SPOCK3: variants seen among roughly 807,000 people sequenced by gnomAD.
SPOCK3 encodes testican-3.
Under a neutral mutation model 56.6 loss-of-function variants are expected in SPOCK3, and 30 were observed. The ratio of observed to expected loss-of-function variants is 0.53; its 90% confidence interval spans 0.40 to 0.72. The LOEUF is 0.72. SPOCK3 is among the 30% of genes least tolerant of loss of function. The probability of loss-of-function intolerance (pLI) is 0.00; values close to 1 mark genes in which losing one functional copy is unlikely to be tolerated. For synonymous variants in SPOCK3, 196 were observed against 183.3 expected (o/e 1.07, Z -0.56); for missense variants, 527 against 530.0 (o/e 0.99, Z 0.06).
chr4:167,005,449 G>A (rs939029982), intron 3 of SPOCK3, among the ~76,000 whole-genome samples: 5 of 151,740 alleles, frequency 3.3e-5, no homozygotes, highest in South Asian at 2.1e-4. Flanking sequence ...CCCTGACCTC[G>A]TGATCCGCCC....
At chr4:166,967,267 T>C (rs1368691005) in intron 4 of SPOCK3, among the ~76,000 whole-genome samples, 2 of 152,168 alleles carry the variant, frequency 1.3e-5, no homozygotes, top group African/African-American at 4.8e-5. Flanking sequence ...AACTCAAAGA[T>C]TGAGCTGTAC....
intron 4 of SPOCK3, among the ~76,000 whole-genome samples, chr4:166,987,639 C>T (rs953481112): frequency 2.0e-5 from 3 of 152,058 alleles, no homozygotes; most frequent in African/African-American, 7.2e-5. Context: ...CAAGTTATAA[C>T]AAAAAACTAG....
chr4:166,913,368 T>G (rs1737482650), intron 4 of SPOCK3, among the ~76,000 whole-genome samples: 1 of 152,182 alleles, frequency 6.6e-6, no homozygotes, highest in South Asian at 2.1e-4. Context: ...TACGATTGTT[T>G]GTTTCCCCAC....
chr4:166,832,309 A>T (rs7669089), intron 6 of SPOCK3, among the ~76,000 whole-genome samples: 7 of 151,788 alleles, frequency 4.6e-5, no homozygotes, highest in African/African-American at 1.7e-4. Flanking sequence ...ATGGCTAGCC[A>T]GCAATGAAAT....
chr4:167,151,520 C>T (rs545379065), intron 2 of SPOCK3, among the ~76,000 whole-genome samples: 8 of 151,364 alleles, frequency 5.3e-5, no homozygotes, highest in Non-Finnish European at 7.4e-5. Context: ...CTGCAAGCTC[C>T]GCCTCCCAGG....
chr4:166,937,577 A>C (rs947448016), intron 4 of SPOCK3, among the ~76,000 whole-genome samples: 2 of 148,546 alleles, frequency 1.3e-5, no homozygotes, highest in Non-Finnish European at 3.0e-5. Flanking sequence ...ATTTCCAGTG[A>C]AAACCATTTT....
At chr4:166,769,949 T>C (rs2124456) in intron 7 of SPOCK3, among the ~76,000 whole-genome samples, 122,468 of 152,050 alleles carry the variant, frequency 0.81, 49,582 homozygotes, top group African/African-American at 0.84. Context: ...GCTGTGCTAG[T>C]AACGAGTGAG....
rs1028695610 is a variant in SPOCK3 at position 166,797,233 on chromosome 4, C to CTTTTTTTTT, written c.590-4953_590-4945dup. 5.0e-4 allele frequency among the ~76,000 whole-genome samples: 40 copies of CTTTTTTTTT among 80,748 alleles called. 1 individual carries two copies. The highest frequency in any genetic ancestry group is 1.8e-3 in the African/African-American group (38 of 21,328). 53.0% of individuals were successfully genotyped at this position (80,748 alleles called of 152,430 possible). A position where few individuals can be genotyped will look rare whatever the true frequency, so the allele number is the denominator to read the frequency against. ...TTAAGTGGCATGGATTTCCACCTTT[C>CTTTTTTTTT]TTTTTTTTTTTTTTTTTTTTTGAGA... On this transcript the variant is annotated intron_variant, in intron 6 of 10. Coordinates refer to ENST00000357545, the MANE Select transcript of SPOCK3 (RefSeq NM_001040159.2).
intron 2 of SPOCK3, among the ~76,000 whole-genome samples, chr4:167,072,764 G>A (rs1040025153): frequency 6.6e-5 from 10 of 151,648 alleles, no homozygotes; most frequent in African/African-American, 1.9e-4. Flanking sequence ...AAGTAATCAC[G>A]ATATGTATTC....
At chr4:166,986,898 T>C (rs1747228394) in intron 4 of SPOCK3, among the ~76,000 whole-genome samples, 1 of 152,134 alleles carries the variant, frequency 6.6e-6, no homozygotes, top group African/African-American at 2.4e-5. Context: ...CTGTCCATTC[T>C]GTACACTTGT....
intron 3 of SPOCK3, among the ~76,000 whole-genome samples, chr4:167,036,672 T>G (rs1199794311): frequency 2.0e-5 from 3 of 152,158 alleles, no homozygotes; most frequent in Non-Finnish European, 4.4e-5. Context: ...CTCTGTGAAG[T>G]GCAATCCATC....
chr4:166,859,812 A>G (rs979851262), intron 6 of SPOCK3, among the ~76,000 whole-genome samples: 1 of 152,160 alleles, frequency 6.6e-6, no homozygotes, highest in Admixed American at 6.6e-5. Context: ...GAAATAGGGC[A>G]CCACATTTGA....
intron 2 of SPOCK3, among the ~76,000 whole-genome samples, chr4:167,067,395 GAC>G (rs1292142997): frequency 6.6e-6 from 1 of 151,860 alleles, no homozygotes; most frequent in African/African-American, 2.4e-5. Flanking sequence ...TATAAAGTGA[GAC>G]ACAGAGGATA....
At chr4:167,005,596 A>T (rs904864497) in intron 3 of SPOCK3, among the ~76,000 whole-genome samples, 2 of 152,120 alleles carry the variant, frequency 1.3e-5, no homozygotes, top group African/African-American at 4.8e-5. Flanking sequence ...CCATTAAAAA[A>T]AAAACAGTAC....
At chr4:166,825,414 G>T (rs1249309343) in intron 6 of SPOCK3, among the ~76,000 whole-genome samples, 1 of 151,958 alleles carries the variant, frequency 6.6e-6, no homozygotes, top group Non-Finnish European at 1.5e-5. Flanking sequence ...ACAACTTAAA[G>T]GGAACAATTT....
intron 2 of SPOCK3, among the ~76,000 whole-genome samples, chr4:167,180,451 C>T (rs1042444448): frequency 3.9e-5 from 6 of 152,208 alleles, no homozygotes; most frequent in Admixed American, 6.5e-5. Flanking sequence ...GCCACAATCA[C>T]GAGCTCAAGT....
intron 8 of SPOCK3, chr4:166,754,241 C>T: frequency 8.8e-7 from 1 of 1,135,310 alleles, no homozygotes; most frequent in Non-Finnish European, 1.1e-6. Flanking sequence ...TTTCTGTGTG[C>T]TTCTTGGTGG....
rs532137411 is a variant in SPOCK3, at chr4:166,733,481, T to C, written c.*1440A>G. 3.3e-5 allele frequency: 5 copies of C among 152,002 alleles called. No homozygotes were observed. The highest frequency in any genetic ancestry group is 1.3e-4 in the Admixed American group (2 of 15,238). 9.4% of individuals were successfully genotyped at this position (152,002 alleles called of 1,614,324 possible). On this transcript the variant is annotated 3_prime_UTR_variant, in exon 11 of 11. Coordinates refer to ENST00000357545, the MANE Select transcript of SPOCK3 (RefSeq NM_001040159.2). ...CGTAAAGTCAACATTAAATTTTGTA[T>C]TGAGTGTGTATAAATTAAATGGAAA...
At chr4:167,063,195 T>C (rs559488238) in intron 2 of SPOCK3, among the ~76,000 whole-genome samples, 3 of 151,972 alleles carry the variant, frequency 2.0e-5, no homozygotes, top group East Asian at 1.9e-4. Flanking sequence ...ATATTTACGA[T>C]ATACTTAGTA....
Sources: gnomAD v4.1 joint callset for allele counts (sites outside exome capture counted in the v4.1 genomes callset) on GRCh38, gnomAD v4.1.1 for gene constraint, MANE v1.5 for transcripts, NCBI Gene and HGNC (gene_info 2026-07-23, HGNC 2026-07-21) for gene names.